Variants in RAPGEFL1 observed in about 807,000 individuals in gnomAD.
The protein encoded by RAPGEFL1 is rap guanine nucleotide exchange factor-like 1.
A neutral mutation model predicts 64.4 loss-of-function variants in RAPGEFL1; 31 were observed. The observed-to-expected ratio is 0.48, with a 90% CI of 0.36 to 0.65. The LOEUF (loss-of-function observed/expected upper bound fraction) is 0.65, where lower values mean the gene tolerates loss of function less well. Among genes scored for constraint, RAPGEFL1 ranks in the 30% least tolerant of loss-of-function variants. The pLI, the probability that RAPGEFL1 is intolerant of heterozygous loss-of-function variation, is 0.00. For synonymous variants in RAPGEFL1, 331 were observed against 274.1 expected (o/e 1.21, Z -2.05); for missense variants, 682 against 677.4 (o/e 1.01, Z -0.08).
rs771792294 is a variant in RAPGEFL1 at position 40,192,943 on chromosome 17, G to A, written c.1762G>A (p.Glu588Lys). The change falls in exon 13 of 15, where the codon GAA (glutamate) becomes AAA (lysine). Residue 588 changes from glutamate to lysine, a missense_variant. Glu to Lys is a moderately conservative substitution (Grantham distance 56). This residue lies in a region of RAPGEFL1 where 411 missense variants were observed against 519.4 expected (regional missense o/e 0.79). Transcript: ENST00000620260. The part of the protein sequence containing the change: ...LILKDLTFLH[E>K]GSKTLVDGLV... ...TCCCCTAGACCTGACTTTCCTGCAC[G>A]AAGGGAGTAAGACCCTTGTAGATGG... The A allele has an allele frequency of 3.1e-6, 5 of 1,613,868 alleles. No homozygotes were observed. The highest frequency in any genetic ancestry group is 2.7e-5 in the African/African-American group (2 of 75,036).
upstream of RAPGEFL1, chr17:40,177,399 G>A: frequency 4.3e-6 from 3 of 696,842 alleles, no homozygotes; most frequent in South Asian, 1.5e-5. Flanking sequence ...CGGCGCGGGG[G>A]CGAGCCGAGG....
chr17:40,177,679 C>T lies in RAPGEFL1; in HGVS notation c.-183C>T, dbSNP rs1162186529. ...GCACTCCTTTCCTCTGGCACCTCCC[C>T]CGGCTACTGGCCACTGGACTCTGGC... is the stretch of plus-strand genomic sequence containing the variant. On this transcript the variant is annotated 5_prime_UTR_variant, in exon 1 of 15. Coordinates refer to ENST00000620260, the MANE Select transcript of RAPGEFL1 (RefSeq NM_016339.6). 59 of 412,686 alleles carry T rather than the reference C, an allele frequency of 1.4e-4. No individual in the cohort carries two copies. Among genetic ancestry groups the T allele is most frequent in the East Asian group, 1.3e-3 (36 of 28,024 alleles). The allele number at this position is 412,686 out of a possible 1,614,324, so 25.6% of individuals were successfully genotyped here. A position where few individuals can be genotyped will look rare whatever the true frequency, so the allele number is the denominator to read the frequency against.
At chr17:40,185,029 G>A (rs530367907) in intron 4 of RAPGEFL1, among the ~76,000 whole-genome samples, 1 of 152,250 alleles carries the variant, frequency 6.6e-6, no homozygotes, top group Admixed American at 6.5e-5. Context: ...GCCTGCCTCA[G>A]CCTCCCAAAG....
chr17:40,183,970 A>G (rs1309934358), intron 2 of RAPGEFL1, among the ~76,000 whole-genome samples: 1 of 150,146 alleles, frequency 6.7e-6, no homozygotes, highest in East Asian at 2.0e-4. Context: ...CAGCCTCCAG[A>G]GTAGCTGGGA....
chr17:40,179,156 G>A (rs532271000), intron 1 of RAPGEFL1, among the ~76,000 whole-genome samples: 14 of 149,830 alleles, frequency 9.3e-5, no homozygotes, highest in Non-Finnish European at 1.9e-4. Context: ...AACCTCCACC[G>A]CCCAGGTTCA....
At position 40,177,791 on chromosome 17, in the gene RAPGEFL1, G is replaced by A. The variant is rs890805281; in HGVS notation, c.-71G>A. On this transcript the variant is annotated 5_prime_UTR_variant, in exon 1 of 15. Transcript: ENST00000620260. ...CTCCAGCTCTGAGCATCGTGTCTTC[G>A]CCGCCCCCCCCGCCCGCGCCTGGGA... is the stretch of plus-strand genomic sequence containing the variant. 7 of 409,842 alleles carry A rather than the reference G, an allele frequency of 1.7e-5. No individual in the cohort carries two copies. Among genetic ancestry groups the A allele is most frequent in the Admixed American group, 8.8e-5 (2 of 22,686 alleles). The allele number at this position is 409,842 out of a possible 1,614,324, so 25.4% of individuals were successfully genotyped here.
rs986947819 is a variant in RAPGEFL1 at position 40,177,497 on chromosome 17, C to A, written c.-365C>A. ...TTCCCCCTCTTCACGGCCAGGAGCG[C>A]AGCCGCCGCCGCCGCCGCCGCCGCG... On this transcript the variant is annotated 5_prime_UTR_variant, in exon 1 of 15. Transcript: ENST00000620260. 3.9e-4 allele frequency: 234 copies of A among 606,936 alleles called. 3 individuals are homozygous for A. The African/African-American group carries it at 4.2e-3, about 11-fold the overall frequency. 37.6% of individuals were successfully genotyped at this position (606,936 alleles called of 1,614,324 possible).
rs1163357318 is a variant in RAPGEFL1, at chr17:40,184,698, G to A, written c.833+20G>A. 3 of 1,470,754 alleles carry A rather than the reference G, an allele frequency of 2.0e-6. No homozygotes were observed. Among genetic ancestry groups the A allele is most frequent in the Admixed American group, 2.0e-5 (1 of 51,082 alleles). 91.1% of individuals were successfully genotyped at this position (1,470,754 alleles called of 1,614,324 possible). On this transcript the variant is annotated intron_variant, in intron 4 of 14. Coordinates refer to ENST00000620260, the MANE Select transcript of RAPGEFL1 (RefSeq NM_016339.6). ...ACTAAAGTGAGGGGGAGTGGGGCAG[G>A]GGCGGGAACAGGAAAGTGGTCCCCT...
rs1458238539 is a variant in RAPGEFL1, at chr17:40,178,158, G to A, written c.297G>A (p.Gly99=). Residue 99 remains glycine, a synonymous_variant, in exon 1 of 15, where the codon GGG becomes GGA. Coordinates refer to ENST00000620260, the MANE Select transcript of RAPGEFL1 (RefSeq NM_016339.6). ...AGVAEEPGSG[G]PCWLQLEEVP... The stretch of plus-strand genomic sequence containing the variant: ...TCGCGGAGGAGCCGGGCAGCGGGGG[G>A]CCCTGCTGGCTGCAGCTGGAGGAGG... The A allele has an allele frequency of 3.6e-6, 2 of 559,280 alleles. No individual in the cohort carries two copies. Among genetic ancestry groups the A allele is most frequent in the African/African-American group, 2.0e-5 (1 of 49,918 alleles). The allele number at this position is 559,280 out of a possible 1,614,324, so 34.6% of individuals were successfully genotyped here. A position where few individuals can be genotyped will look rare whatever the true frequency, so the allele number is the denominator to read the frequency against.
At position 40,193,904 on chromosome 17, in the gene RAPGEFL1, G is replaced by A. The variant is rs1036330062; in HGVS notation, c.*116G>A. The A allele has an allele frequency of 3.6e-6, 5 of 1,397,372 alleles. No individual in the cohort carries two copies. The highest frequency in any genetic ancestry group is 2.7e-5 in the South Asian group (2 of 74,622). 86.6% of individuals were successfully genotyped at this position (1,397,372 alleles called of 1,614,324 possible). A position where few individuals can be genotyped will look rare whatever the true frequency, so the allele number is the denominator to read the frequency against. On this transcript the variant is annotated 3_prime_UTR_variant, in exon 15 of 15. Transcript: ENST00000620260. ...CCCGTGGAGCAACTTCCTGCTCCAC[G>A]GGAAAGAGGTCGATGGATTTACCCC...
upstream of RAPGEFL1, chr17:40,177,378 C>G (rs1989738818): frequency 4.5e-6 from 3 of 660,166 alleles, no homozygotes; most frequent in African/African-American, 5.3e-5. Context: ...CGCGCGAGTT[C>G]AAGCCTCGTG....
Position 40,193,495 on chromosome 17 carries a change from C to T in RAPGEFL1, c.1864+78C>T, listed in dbSNP as rs967132727. On this transcript the variant is annotated intron_variant, in intron 14 of 14. Coordinates refer to ENST00000620260, the MANE Select transcript of RAPGEFL1 (RefSeq NM_016339.6). The stretch of plus-strand genomic sequence containing the variant: ...AGGGTTCAGGGGAGAACTCCCTGTC[C>T]AGATGTGTATTTCCATACACTTGCT... The T allele has an allele frequency of 1.9e-6, 3 of 1,580,630 alleles. No homozygotes were observed. In the African/African-American group the frequency reaches 4.0e-5, roughly 21 times the overall value.
At position 40,177,574 on chromosome 17, in the gene RAPGEFL1, C is replaced by T. The variant is rs1054732850; in HGVS notation, c.-288C>T. 7.3e-6 allele frequency: 3 copies of T among 412,404 alleles called. No homozygotes were observed. The highest frequency in any genetic ancestry group is 4.2e-5 in the African/African-American group (2 of 47,546). 25.5% of individuals were successfully genotyped at this position (412,404 alleles called of 1,614,324 possible). On this transcript the variant is annotated 5_prime_UTR_variant, in exon 1 of 15. Coordinates refer to ENST00000620260, the MANE Select transcript of RAPGEFL1 (RefSeq NM_016339.6). Reference sequence around the variant, plus strand: ...TGCCTCTGCCGCCGCAGCGCAGAGCCGGGCGCACCGGCCCCGCAGCCTGCC... The same window carrying T: ...TGCCTCTGCCGCCGCAGCGCAGAGCTGGGCGCACCGGCCCCGCAGCCTGCC...
In RAPGEFL1 at chr17:40,184,510, C is replaced by T. The variant is rs375211891; in HGVS notation, c.736-71C>T. 1.5e-4 allele frequency: 177 copies of T among 1,176,118 alleles called. No homozygotes were observed. The South Asian group carries it at 2.4e-3, about 16-fold the overall frequency. 72.9% of individuals were successfully genotyped at this position (1,176,118 alleles called of 1,614,324 possible). On this transcript the variant is annotated intron_variant, in intron 3 of 14. Transcript: ENST00000620260. ...TGTGCTTAAAGGTATGGAGACCTTG[C>T]CCGGCCCCTGCAGAGAGTAGCCCTT...
chr17:40,185,439 G>A (rs185623507), intron 4 of RAPGEFL1, among the ~76,000 whole-genome samples: 1 of 151,604 alleles, frequency 6.6e-6, no homozygotes, highest in African/African-American at 2.4e-5. Context: ...CAGCACTTTG[G>A]GAGGTCAAGA....
chr17:40,194,301 G>T lies in RAPGEFL1; in HGVS notation c.*513G>T, dbSNP rs1990391021. Reference sequence around the variant, plus strand: ...TGTGTGTGTGTGTGTCTTCTTTTAGGGAGCAGGAGTGCATCTGGTAATTGA... The same window carrying T: ...TGTGTGTGTGTGTGTCTTCTTTTAGTGAGCAGGAGTGCATCTGGTAATTGA... On this transcript the variant is annotated 3_prime_UTR_variant, in exon 15 of 15. Coordinates refer to ENST00000620260, the MANE Select transcript of RAPGEFL1 (RefSeq NM_016339.6). 2 of 154,954 alleles carry T rather than the reference G, an allele frequency of 1.3e-5. No homozygotes were observed. Among genetic ancestry groups the T allele is most frequent in the Admixed American group, 6.5e-5 (1 of 15,464 alleles). The allele number at this position is 154,954 out of a possible 1,614,324, so 9.6% of individuals were successfully genotyped here.
chr17:40,181,388 CT>C, intron 1 of RAPGEFL1: 2 of 642,654 alleles, frequency 3.1e-6, no homozygotes, highest in Non-Finnish European at 5.8e-6. Flanking sequence ...GCGCCCCCCC[CT>C]TCCCTTCAGC....
chr17:40,177,562 G>C lies in RAPGEFL1; in HGVS notation c.-300G>C. On this transcript the variant is annotated 5_prime_UTR_variant, in exon 1 of 15. Transcript: ENST00000620260. The stretch of plus-strand genomic sequence containing the variant: ...CGCTCCGCCCGCTGCCTCTGCCGCC[G>C]CAGCGCAGAGCCGGGCGCACCGGCC... 2 of 438,370 alleles carry C rather than the reference G, an allele frequency of 4.6e-6. No homozygotes were observed. Among genetic ancestry groups the C allele is most frequent in the Non-Finnish European group, 7.9e-6 (2 of 252,902 alleles). 27.2% of individuals were successfully genotyped at this position (438,370 alleles called of 1,614,324 possible). A position where few individuals can be genotyped will look rare whatever the true frequency, so the allele number is the denominator to read the frequency against.
chr17:40,184,154 T>G (rs1029059768), intron 2 of RAPGEFL1, 60 bp from the exon 3 acceptor site: 2 of 1,272,476 alleles, frequency 1.6e-6, no homozygotes, highest in Non-Finnish European at 2.3e-6. Flanking sequence ...TAGCCTCCCA[T>G]CTTTCTTCTC....
Sources: allele counts gnomAD v4.1 joint callset (sites outside exome capture counted in the v4.1 genomes callset), GRCh38; gene constraint gnomAD v4.1.1; regional missense constraint gnomAD v4.1.1; transcripts MANE v1.5; gene names NCBI Gene and HGNC (gene_info 2026-07-23, HGNC 2026-07-21).